ODAD2: variants seen among roughly 807,000 people sequenced by gnomAD.
ODAD2 encodes the protein outer dynein arm docking complex subunit 2.
Under a neutral mutation model 106.8 loss-of-function variants are expected in ODAD2, and 89 were observed. That is an observed-to-expected ratio of 0.83 (90% CI 0.70 to 0.99). The LOEUF (loss-of-function observed/expected upper bound fraction) is 0.99. Ranked by LOEUF, ODAD2 falls within the 50% of genes least tolerant of loss-of-function variation. The probability of loss-of-function intolerance (pLI) is 0.00; values close to 1 mark genes in which losing one functional copy is unlikely to be tolerated. For missense variants in ODAD2, 1,168 were observed against 1,238.5 expected (o/e 0.94, Z 0.85); for synonymous variants, 404 against 436.2 (o/e 0.93, Z 0.92).
intron 19 of ODAD2, among the ~76,000 whole-genome samples, chr10:27,814,082 G>C (rs1007338321): frequency 1.3e-5 from 2 of 152,156 alleles, no homozygotes; most frequent in Admixed American, 1.3e-4. Flanking sequence ...CTTGTCACAA[G>C]GCCATGAAAA....
At chr10:27,953,544 AATGTT>A (rs1847513460) in intron 10 of ODAD2, among the ~76,000 whole-genome samples, 1 of 152,216 alleles carries the variant, frequency 6.6e-6, no homozygotes, top group African/African-American at 2.4e-5. Flanking sequence ...GGACAACTTA[AATGTT>A]ATCAATAAGG....
At position 27,983,892 on chromosome 10, in the gene ODAD2, C is replaced by G. The variant is rs1369795924; in HGVS notation, c.770G>C (p.Gly257Ala). ...ACTGCAAGTAATGCACAGAGTCTCA[C>G]CATCGTGAGGTTTCACCAGCACATA... ...ICYVLVKPHD[G>A]ETLCITCSAG... is the part of the protein sequence containing the mutation. Residue 257 changes from glycine (G) to alanine (A), a missense_variant, in exon 6 of 20, where the codon GGT (glycine) becomes GCT (alanine). Physicochemically the swap from Gly to Ala is moderately conservative, Grantham distance 60 (BLOSUM62 0). Transcript: ENST00000305242. The G allele has an allele frequency of 3.1e-6, 5 of 1,612,488 alleles. No homozygotes were observed. In the Admixed American group the frequency reaches 8.4e-5, roughly 27 times the overall value.
chr10:27,842,499 T>C (rs1385501574), intron 19 of ODAD2, among the ~76,000 whole-genome samples: 1 of 152,200 alleles, frequency 6.6e-6, no homozygotes, highest in East Asian at 1.9e-4. Context: ...ACAAGCAATA[T>C]ATGGGAATGG....
At chr10:27,950,320 G>A (rs779163824) in intron 10 of ODAD2, among the ~76,000 whole-genome samples, 11 of 152,142 alleles carry the variant, frequency 7.2e-5, no homozygotes, top group Non-Finnish European at 1.3e-4. Context: ...ACAGTGAGTG[G>A]TGTATAACCA....
At chr10:27,853,871 A>C (rs1435103841) in intron 19 of ODAD2, among the ~76,000 whole-genome samples, 1 of 152,186 alleles carries the variant, frequency 6.6e-6, no homozygotes, top group Non-Finnish European at 1.5e-5. Context: ...GCAACCAAAA[A>C]CACAATTCAT....
Position 27,997,878 on chromosome 10 carries a change from C to T in ODAD2, c.-39+1116G>A, listed in dbSNP as rs184802570. Reference sequence around the variant, plus strand: ...TGAATCCATGTAAATACACAGCACACACCTTTGAAGTAAAGAAAGTAAGTT... The same window carrying T: ...TGAATCCATGTAAATACACAGCACATACCTTTGAAGTAAAGAAAGTAAGTT... On this transcript the variant is annotated intron_variant, in intron 1 of 19. Transcript: ENST00000305242. Among the ~76,000 whole-genome samples, 215 of 152,278 alleles carry T rather than the reference C, an allele frequency of 1.4e-3. 2 individuals are homozygous for T. The highest frequency in any genetic ancestry group is 5.0e-3 in the African/African-American group (207 of 41,556).
chr10:27,909,547 G>A (rs1843841171), intron 16 of ODAD2, among the ~76,000 whole-genome samples: 1 of 152,130 alleles, frequency 6.6e-6, no homozygotes, highest in Non-Finnish European at 1.5e-5. Flanking sequence ...GCGGGGCCCA[G>A]TGACTCACAC....
At chr10:27,985,981 G>T (rs1426610061) in intron 3 of ODAD2, among the ~76,000 whole-genome samples, 5 of 152,056 alleles carry the variant, frequency 3.3e-5, no homozygotes, top group Non-Finnish European at 7.4e-5. Context: ...TGAGAAAGAT[G>T]AAAATATGTA....
chr10:27,874,930 G>T (rs1293942966), intron 17 of ODAD2, among the ~76,000 whole-genome samples: 2 of 152,100 alleles, frequency 1.3e-5, no homozygotes, highest in African/African-American at 4.8e-5. Flanking sequence ...AGTTCTCCTG[G>T]ATAATATCCT....
chr10:27,974,954 C>T (rs1849100057), intron 7 of ODAD2, among the ~76,000 whole-genome samples: 1 of 152,010 alleles, frequency 6.6e-6, no homozygotes, highest in Non-Finnish European at 1.5e-5. Context: ...GATCTTTCAC[C>T]TTTCTGATTA....
intron 14 of ODAD2, 77 bp from the exon 15 acceptor site, chr10:27,936,957 T>G: frequency 6.8e-7 from 1 of 1,463,992 alleles, no homozygotes; most frequent in Non-Finnish European, 9.2e-7. Flanking sequence ...AGGCTGCCAT[T>G]CTAGTAGCTA....
chr10:27,986,904 A>G (rs1303057467), intron 3 of ODAD2, among the ~76,000 whole-genome samples: 1 of 152,254 alleles, frequency 6.6e-6, no homozygotes, highest in Non-Finnish European at 1.5e-5. Flanking sequence ...GGCTGAGAAA[A>G]GTGGAAAGGG....
At position 27,973,311 on chromosome 10, in the gene ODAD2, T is replaced by C. The variant is rs561335097; in HGVS notation, c.937-1998A>G. Reference sequence around the variant, plus strand: ...GAGTTCAACACCAGCCTGGCCAACATGGCAAAACCCCATCTGTACCAAAAA... The same window carrying C: ...GAGTTCAACACCAGCCTGGCCAACACGGCAAAACCCCATCTGTACCAAAAA... On this transcript the variant is annotated intron_variant, in intron 7 of 19. Coordinates refer to ENST00000305242, the MANE Select transcript of ODAD2 (RefSeq NM_018076.5). Among the ~76,000 whole-genome samples, 13 of 152,204 alleles carry C rather than the reference T, an allele frequency of 8.5e-5. No homozygotes were observed. In the East Asian group the frequency reaches 2.3e-3, roughly 27 times the overall value.
At chr10:27,879,710 T>C (rs565260501) in intron 17 of ODAD2, among the ~76,000 whole-genome samples, 1 of 152,304 alleles carries the variant, frequency 6.6e-6, no homozygotes, top group South Asian at 2.1e-4. Flanking sequence ...ATCTGTTACA[T>C]ACATTTTTCT....
At chr10:27,932,060 G>C (rs1845651421) in intron 16 of ODAD2, among the ~76,000 whole-genome samples, 1 of 151,962 alleles carries the variant, frequency 6.6e-6, no homozygotes, top group Admixed American at 6.6e-5. Flanking sequence ...TTAGCTTCCT[G>C]AGTAGCTAGG....
chr10:27,949,293 G>C (rs1461759962), intron 10 of ODAD2, among the ~76,000 whole-genome samples: 2 of 152,158 alleles, frequency 1.3e-5, no homozygotes, highest in African/African-American at 4.8e-5. Context: ...TAATGTAGTG[G>C]AGGAAAAAGG....
intron 17 of ODAD2, among the ~76,000 whole-genome samples, chr10:27,889,693 C>A (rs1842440493): frequency 6.6e-6 from 1 of 152,198 alleles, no homozygotes; most frequent in African/African-American, 2.4e-5. Context: ...GACTTCAAGT[C>A]TCCCAGCCCT....
At chr10:27,859,578 T>A (rs1389840585) in intron 19 of ODAD2, among the ~76,000 whole-genome samples, 1 of 152,172 alleles carries the variant, frequency 6.6e-6, no homozygotes, top group Non-Finnish European at 1.5e-5. Flanking sequence ...ACTTTGGGCA[T>A]CTGTTTTAAG....
At chr10:27,907,579 C>T (rs1438970062) in intron 17 of ODAD2, 84 bp downstream of exon 17, 1 of 876,208 alleles carries the variant, frequency 1.1e-6, no homozygotes, top group Non-Finnish European at 1.8e-6. Flanking sequence ...TACAATAAGT[C>T]AAAAGCAATT....
Sources: gnomAD v4.1 joint callset for allele counts (sites outside exome capture counted in the v4.1 genomes callset) on GRCh38, gnomAD v4.1.1 for gene constraint, MANE v1.5 for transcripts, NCBI Gene and HGNC (gene_info 2026-07-23, HGNC 2026-07-21) for gene names.